Variants in KCNH8 observed in about 807,000 individuals in gnomAD.
KCNH8 encodes the protein voltage-gated delayed rectifier potassium channel KCNH8.
In KCNH8, 70 loss-of-function variants were observed where a neutral mutation model predicts 103.6. The observed-to-expected ratio is 0.68, with a 90% confidence interval of 0.56 to 0.82. The LOEUF (loss-of-function observed/expected upper bound fraction) is 0.82, where lower values mean the gene tolerates loss of function less well. Ranked by LOEUF, KCNH8 falls within the 40% of genes least tolerant of loss-of-function variation. The pLI, the probability that KCNH8 is intolerant of heterozygous loss-of-function variation, is 0.00. For missense variants in KCNH8, 1,217 were observed against 1,329.9 expected (o/e 0.92, Z 1.32); for synonymous variants, 498 against 489.4 (o/e 1.02, Z -0.23).
chr3:19,281,174 ATT>A, intron 2 of KCNH8, 22 bp from the exon 3 acceptor site: 1 of 1,571,436 alleles, frequency 6.4e-7, no homozygotes, highest in African/African-American at 1.4e-5. Context: ...GTTGATTTGT[ATT>A]TTTTTTTCTT....
chr3:19,527,622 C>A (rs1380917577), intron 15 of KCNH8, among the ~76,000 whole-genome samples: 1 of 152,070 alleles, frequency 6.6e-6, no homozygotes. Flanking sequence ...TATTTCTAAA[C>A]CAACAGAAGT....
At position 19,430,271 on chromosome 3, in the gene KCNH8, A is replaced by AG. The variant is rs1191678753; in HGVS notation, c.1178-7892dup. ...TTGTCTTGTTTGTCAAAGATTAGAT[A>AG]GTTGTAGGTGTGTGGTCTTATTTCT... On this transcript the variant is annotated intron_variant, in intron 7 of 15. Transcript: ENST00000328405. 4.6e-5 allele frequency among the ~76,000 whole-genome samples: 7 copies of AG among 152,210 alleles called. No individual in the cohort carries two copies. The East Asian group carries it at 1.4e-3, about 29-fold the overall frequency.
chr3:19,315,456 T>G (rs2065261522), intron 3 of KCNH8, among the ~76,000 whole-genome samples: 1 of 151,956 alleles, frequency 6.6e-6, no homozygotes, highest in Non-Finnish European at 1.5e-5. Flanking sequence ...AGGGACTTTT[T>G]TTGCTGGCTG....
At chr3:19,428,342 G>A (rs764121215) in intron 7 of KCNH8, among the ~76,000 whole-genome samples, 12 of 152,050 alleles carry the variant, frequency 7.9e-5, no homozygotes, top group Admixed American at 5.2e-4. Context: ...TAATGACTTC[G>A]GTACCTCATA....
intron 3 of KCNH8, chr3:19,314,837 G>T (rs2065253021): frequency 6.5e-6 from 1 of 154,140 alleles, no homozygotes; most frequent in African/African-American, 2.4e-5. Flanking sequence ...TGAATAGCTG[G>T]ATAGCTTTTC....
intron 11 of KCNH8, among the ~76,000 whole-genome samples, chr3:19,458,299 C>G (rs538521809): frequency 3.0e-4 from 46 of 151,916 alleles, no homozygotes; most frequent in African/African-American, 9.9e-4. Flanking sequence ...CTTTTGTGCT[C>G]ACCATGACAG....
At chr3:19,206,160 G>A (rs1318510512) in intron 1 of KCNH8, among the ~76,000 whole-genome samples, 1 of 128,536 alleles carries the variant, frequency 7.8e-6, no homozygotes. Flanking sequence ...TATATTAATG[G>A]TGTGTGTGTA....
Position 19,347,896 on chromosome 3 carries a change from A to C in KCNH8, c.742A>C (p.Asn248His). 3 of 1,613,382 alleles carry C rather than the reference A, an allele frequency of 1.9e-6. No individual in the cohort carries two copies. The highest frequency in any genetic ancestry group is 1.7e-6 in the Non-Finnish European group (2 of 1,179,492). ...ACCTTACAACGTTTGCTTTATTGGC[A>C]ATGACGACCTGTCCACAACTCGGAG... ...TVPYNVCFIG[N>H]DDLSTTRSTT... The change falls in exon 5 of 16, where the codon AAT becomes CAT. Residue 248 changes from asparagine (N) to histidine (H), a missense_variant. By Grantham distance (68) the Asn-to-His change is moderately conservative. This residue lies in a region of KCNH8 where 415 missense variants were observed against 577.4 expected (regional missense o/e 0.72). Transcript: ENST00000328405.
chr3:19,476,946 C>G (rs528126749), intron 11 of KCNH8, among the ~76,000 whole-genome samples: 1 of 152,174 alleles, frequency 6.6e-6, no homozygotes, highest in East Asian at 1.9e-4. Flanking sequence ...TTGTCAATGT[C>G]TTATTGACTG....
chr3:19,400,841 G>A (rs1025455662), intron 7 of KCNH8, among the ~76,000 whole-genome samples: 2 of 151,878 alleles, frequency 1.3e-5, no homozygotes, highest in African/African-American at 4.8e-5. Context: ...TTATGATGTT[G>A]TAGGCTGATT....
intron 12 of KCNH8, among the ~76,000 whole-genome samples, chr3:19,510,711 TTTCTTGTAAGTG>T (rs541309116): frequency 2.6e-3 from 403 of 152,344 alleles, no homozygotes; most frequent in Admixed American, 7.5e-3. Flanking sequence ...AGTCAAATTT[TTTCTTGTAAGTG>T]TCCATAATGC....
At chr3:19,334,243 A>G (rs1303252909) in intron 3 of KCNH8, among the ~76,000 whole-genome samples, 2 of 152,192 alleles carry the variant, frequency 1.3e-5, no homozygotes, top group Non-Finnish European at 2.9e-5. Flanking sequence ...CGCAGCAGCT[A>G]TAGACTCCAG....
At chr3:19,393,049 G>A (rs1047513305) in intron 6 of KCNH8, among the ~76,000 whole-genome samples, 1 of 151,816 alleles carries the variant, frequency 6.6e-6, no homozygotes, top group Non-Finnish European at 1.5e-5. Context: ...TCCCTTCTGG[G>A]TAATAGCTAG....
intron 11 of KCNH8, among the ~76,000 whole-genome samples, chr3:19,488,074 T>A (rs1406052502): frequency 6.6e-6 from 1 of 152,222 alleles, no homozygotes; most frequent in African/African-American, 2.4e-5. Context: ...TTCAGCCCAG[T>A]CCCCTTCAGT....
At chr3:19,520,067 T>A (rs954378189) in intron 15 of KCNH8, among the ~76,000 whole-genome samples, 21 of 151,698 alleles carry the variant, frequency 1.4e-4, no homozygotes, top group Non-Finnish European at 1.5e-5. Context: ...GATCCTGTAT[T>A]CACGATTTCT....
chr3:19,244,937 G>A (rs533277437), intron 1 of KCNH8, among the ~76,000 whole-genome samples: 9 of 151,844 alleles, frequency 5.9e-5, no homozygotes, highest in Non-Finnish European at 1.3e-4. Context: ...AGTTTATTTT[G>A]CTATGGAAAA....
chr3:19,456,997 T>C lies in KCNH8; in HGVS notation c.2040+15T>C. On this transcript the variant is annotated intron_variant, in intron 11 of 15. Coordinates refer to ENST00000328405, the MANE Select transcript of KCNH8 (RefSeq NM_144633.3). Reference sequence around the variant, plus strand: ...ATGAGAGTGATGTAAGTCCCATTTCTAATTAGTGCTAAGACCTAATAACAT... The same window carrying C: ...ATGAGAGTGATGTAAGTCCCATTTCCAATTAGTGCTAAGACCTAATAACAT... 6.4e-7 allele frequency: 1 copy of C among 1,555,896 alleles called. No homozygotes were observed. Among genetic ancestry groups the C allele is most frequent in the Non-Finnish European group, 8.9e-7 (1 of 1,128,950 alleles).
At chr3:19,477,435 T>G (rs2125209742) in intron 11 of KCNH8, among the ~76,000 whole-genome samples, 1 of 151,768 alleles carries the variant, frequency 6.6e-6, no homozygotes, top group East Asian at 1.9e-4. Flanking sequence ...TTTTTTTTTT[T>G]TTAACTGTAA....
intron 1 of KCNH8, among the ~76,000 whole-genome samples, chr3:19,234,594 G>T (rs578116025): frequency 1.2e-3 from 187 of 152,332 alleles, no homozygotes; most frequent in African/African-American, 4.3e-3. Flanking sequence ...AGCACCGTCC[G>T]CAGGCCCGGT....
Sources: allele counts gnomAD v4.1 joint callset (sites outside exome capture counted in the v4.1 genomes callset), GRCh38; gene constraint gnomAD v4.1.1; regional missense constraint gnomAD v4.1.1; transcripts MANE v1.5; gene names NCBI Gene and HGNC (gene_info 2026-07-23, HGNC 2026-07-21).